Variants in SPATA6L observed in about 807,000 individuals in gnomAD.
SPATA6L encodes spermatogenesis associated 6 like.
SPATA6L carries 68 observed loss-of-function variants against 49.2 expected under a neutral mutation model. The observed-to-expected ratio is 1.38, with a 90% confidence interval of 1.14 to 1.69. The LOEUF is 1.69. SPATA6L is among the 40% of genes most tolerant of loss of function. The pLI is 0.00. For synonymous variants in SPATA6L, 198 were observed against 165.7 expected, an observed-to-expected ratio of 1.19 and a Z score of -1.50; for missense variants, 668 against 464.3, an observed-to-expected ratio of 1.44 and a Z score of -4.03.
chr9:4,638,144 GTAAAT>G (rs1833179941), intron 3 of SPATA6L, among the ~76,000 whole-genome samples: 1 of 151,880 alleles, frequency 6.6e-6, no homozygotes, highest in African/African-American at 2.4e-5. Context: ...TTCCATAAGA[GTAAAT>G]TACTAGGAAT....
At chr9:4,627,493 A>G (rs528917240) in intron 5 of SPATA6L, 2 of 304,550 alleles carry the variant, frequency 6.6e-6, no homozygotes, top group Non-Finnish European at 1.3e-5. Context: ...AGGACCCTAC[A>G]TGAGATCTGG....
intron 3 of SPATA6L, among the ~76,000 whole-genome samples, chr9:4,645,590 G>A (rs1348192443): frequency 1.3e-5 from 2 of 152,082 alleles, no homozygotes; most frequent in Non-Finnish European, 2.9e-5. Flanking sequence ...ATTAATCCAT[G>A]AATAGATTAA....
chr9:4,610,557 T>C (rs1826452928), intron 9 of SPATA6L, among the ~76,000 whole-genome samples: 1 of 147,726 alleles, frequency 6.8e-6, no homozygotes, highest in South Asian at 2.2e-4. Context: ...AAGGATTCCC[T>C]ATTTAATAAA....
At chr9:4,623,514 T>A (rs1194052063) in intron 6 of SPATA6L, among the ~76,000 whole-genome samples, 1 of 152,096 alleles carries the variant, frequency 6.6e-6, no homozygotes, top group African/African-American at 2.4e-5. Flanking sequence ...TTACTTTTCA[T>A]TCTACTTTAA....
intron 4 of SPATA6L, among the ~76,000 whole-genome samples, chr9:4,629,401 A>G (rs4740793): frequency 0.21 from 32,463 of 151,792 alleles, 5,102 homozygotes; most frequent in African/African-American, 0.41. Flanking sequence ...TCCTAACACA[A>G]CCCCATGAAG....
intron 11 of SPATA6L, among the ~76,000 whole-genome samples, chr9:4,603,075 A>C (rs1823763179): frequency 6.6e-6 from 1 of 152,196 alleles, no homozygotes. Flanking sequence ...ACAGATCTGA[A>C]TTCTAGAGTT....
chr9:4,616,726 C>G (rs765870499), intron 9 of SPATA6L, among the ~76,000 whole-genome samples: 5 of 152,186 alleles, frequency 3.3e-5, no homozygotes, highest in Admixed American at 6.5e-5. Context: ...GCTGGGATTA[C>G]AGGCATGCGC....
chr9:4,637,292 A>T (rs1284559057), intron 3 of SPATA6L, among the ~76,000 whole-genome samples: 1 of 151,738 alleles, frequency 6.6e-6, no homozygotes, highest in Non-Finnish European at 1.5e-5. Flanking sequence ...GCTCCTTCCT[A>T]CTGAATAACA....
intron 3 of SPATA6L, among the ~76,000 whole-genome samples, chr9:4,651,923 C>G (rs1389523781): frequency 6.6e-6 from 1 of 152,078 alleles, no homozygotes; most frequent in African/African-American, 2.4e-5. Flanking sequence ...GGCTTCTATT[C>G]AATACTGTAC....
chr9:4,656,844 TTC>T (rs2130766307), intron 2 of SPATA6L, among the ~76,000 whole-genome samples: 1 of 152,318 alleles, frequency 6.6e-6, no homozygotes, highest in South Asian at 2.1e-4. Context: ...AATGAATGGT[TTC>T]TCTCTCCAAG....
chr9:4,652,410 A>G (rs897620337), intron 3 of SPATA6L, among the ~76,000 whole-genome samples: 4 of 152,172 alleles, frequency 2.6e-5, no homozygotes, highest in Admixed American at 6.5e-5. Flanking sequence ...AAACAAAAAC[A>G]AAATCAATTG....
At chr9:4,606,092 C>T (rs12352171) in intron 9 of SPATA6L, among the ~76,000 whole-genome samples, 6,794 of 152,140 alleles carry the variant, frequency 0.045, 477 homozygotes, top group African/African-American at 0.15. Context: ...CCAAATACTG[C>T]GCTTTTCCTA....
intron 11 of SPATA6L, among the ~76,000 whole-genome samples, chr9:4,602,332 C>A (rs763461521): frequency 1.3e-5 from 2 of 152,004 alleles, no homozygotes; most frequent in Non-Finnish European, 2.9e-5. Flanking sequence ...TTTTGGTAAC[C>A]AGAGAGTAAA....
chr9:4,593,378 A>G (rs1660684762), downstream of SPATA6L, among the ~76,000 whole-genome samples: 1 of 152,096 alleles, frequency 6.6e-6, no homozygotes, highest in Non-Finnish European at 1.5e-5. Context: ...CACCTCCTTT[A>G]TGGTATACAA....
chr9:4,608,844 A>C (rs1379720116), intron 9 of SPATA6L, among the ~76,000 whole-genome samples: 3 of 152,152 alleles, frequency 2.0e-5, no homozygotes, highest in Non-Finnish European at 4.4e-5. Flanking sequence ...TCAAAAAATT[A>C]ATGAATCCAG....
At chr9:4,637,465 A>G (rs999938781) in intron 3 of SPATA6L, among the ~76,000 whole-genome samples, 3 of 152,170 alleles carry the variant, frequency 2.0e-5, no homozygotes, top group Admixed American at 2.0e-4. Flanking sequence ...GCTTCCATCA[A>G]GGCTCCATGA....
intron 3 of SPATA6L, among the ~76,000 whole-genome samples, chr9:4,650,946 C>T (rs978334763): frequency 1.3e-5 from 2 of 152,148 alleles, no homozygotes; most frequent in Admixed American, 6.5e-5. Flanking sequence ...AAGTGATCTG[C>T]TCGCCTTGGC....
chr9:4,627,113 A>G (rs1298447748), intron 5 of SPATA6L: 1 of 152,330 alleles, frequency 6.6e-6, no homozygotes, highest in Non-Finnish European at 1.5e-5. Context: ...TGTAATCCCA[A>G]CACGTAGGGA....
At chr9:4,595,699 C>A (rs1283435425), downstream of SPATA6L, among the ~76,000 whole-genome samples, 1 of 152,176 alleles carries the variant, frequency 6.6e-6, no homozygotes, top group Non-Finnish European at 1.5e-5. Context: ...AACACCAATA[C>A]CCCACTGTTT....
Sources: allele counts gnomAD v4.1 joint callset (sites outside exome capture counted in the v4.1 genomes callset), GRCh38; gene constraint gnomAD v4.1.1; transcripts MANE v1.5; gene names NCBI Gene and HGNC (gene_info 2026-07-23, HGNC 2026-07-21).